Variants in DUS2 observed in about 807,000 individuals in gnomAD.
The protein encoded by DUS2 is dihydrouridine synthase 2, also known as tRNA-dihydrouridine(20) synthase [NAD(P)+]-like.
In DUS2, 52 loss-of-function variants were observed where a neutral mutation model predicts 71.3. The observed-to-expected ratio is 0.73, with a 90% CI of 0.58 to 0.92. The LOEUF (loss-of-function observed/expected upper bound fraction) is 0.92. DUS2 is among the 40% of genes least tolerant of loss of function. The pLI is 0.00. For missense variants in DUS2, 558 were observed against 622.6 expected (o/e 0.90, Z 1.10); for synonymous variants, 204 against 227.8 (o/e 0.90, Z 0.94).
chr16:68,070,336 G>T, intron 11 of DUS2, 116 bp downstream of exon 11: 1 of 917,862 alleles, frequency 1.1e-6, no homozygotes, highest in South Asian at 1.4e-5. Context: ...AAAAGGGCAG[G>T]GCTTTCCACA....
intron 8 of DUS2, among the ~76,000 whole-genome samples, chr16:68,063,790 C>T (rs1020323746): frequency 1.3e-4 from 20 of 152,104 alleles, no homozygotes; most frequent in Admixed American, 1.3e-3. Flanking sequence ...GTGGTGCGAT[C>T]TCAGCTCACT....
chr16:68,038,061 A>G lies in DUS2; in HGVS notation c.38A>G (p.Lys13Arg), dbSNP rs1202687600. ...LNSLSLCYHN[K>R]LILAPMVRVG... ...AGCCTCTCTCTGTGTTACCATAATA[A>G]GCTAATCCTGGCCCCAATGGTTCGG... Residue 13 changes from lysine (K) to arginine (R), a missense_variant, in exon 3 of 17, where the codon AAG becomes AGG. Lys to Arg is a conservative substitution (Grantham distance 26). Transcript: ENST00000565263. 6.2e-7 allele frequency: 1 copy of G among 1,613,962 alleles called. No individual in the cohort carries two copies.
chr16:68,077,126 C>T (rs1019485528), intron 15 of DUS2, among the ~76,000 whole-genome samples: 2 of 151,656 alleles, frequency 1.3e-5, no homozygotes, highest in African/African-American at 2.4e-5. Flanking sequence ...TGGTGGTGGG[C>T]GCCTGTAATC....
Position 68,073,146 on chromosome 16 carries a change from G to A in DUS2, c.811-888G>A, listed in dbSNP as rs61263343. On this transcript the variant is annotated intron_variant, in intron 12 of 16. Coordinates refer to ENST00000565263, the MANE Select transcript of DUS2 (RefSeq NM_017803.5). Reference sequence around the variant, plus strand: ...AAGCAGGAAGGGGCTCCCGCACTTCGAGACCTCAGTCAGGCTGTCCAGGAG... The same window carrying A: ...AAGCAGGAAGGGGCTCCCGCACTTCAAGACCTCAGTCAGGCTGTCCAGGAG... 6.2e-3 allele frequency among the ~76,000 whole-genome samples: 943 copies of A among 152,326 alleles called. 10 individuals carry two copies. The highest frequency in any genetic ancestry group is 0.022 in the African/African-American group (899 of 41,570).
At chr16:68,073,301 CTCAG>C in intron 12 of DUS2, among the ~76,000 whole-genome samples, 1 of 152,236 alleles carries the variant, frequency 6.6e-6, no homozygotes, top group Non-Finnish European at 1.5e-5. Context: ...TAGATAGGGT[CTCAG>C]TCTGTTGCCC....
intron 7 of DUS2, among the ~76,000 whole-genome samples, chr16:68,058,372 C>A (rs1037964101): frequency 3.3e-5 from 5 of 151,754 alleles, no homozygotes; most frequent in African/African-American, 1.2e-4. Context: ...CTACAGGTGC[C>A]CGCCACCACA....
chr16:68,036,583 G>T (rs962100936), intron 2 of DUS2, among the ~76,000 whole-genome samples: 11 of 152,060 alleles, frequency 7.2e-5, no homozygotes, highest in African/African-American at 2.7e-4. Flanking sequence ...GATTACAAGC[G>T]CGAGCCACAG....
rs1368620976 is a variant in DUS2 at position 68,062,053 on chromosome 16, C to G, written c.417+940C>G. On this transcript the variant is annotated intron_variant, in intron 8 of 16. Transcript: ENST00000565263. ...TGAGACAGAGTCTTGCTCTGTCACC[C>G]AGGCTGGAGTGCAGTGGCACAATCT... 1.3e-5 allele frequency among the ~76,000 whole-genome samples: 2 copies of G among 152,118 alleles called. 1 individual carries two copies. Among genetic ancestry groups the G allele is most frequent in the South Asian group, 4.1e-4 (2 of 4,832 alleles).
intron 2 of DUS2, among the ~76,000 whole-genome samples, chr16:68,035,929 T>TATATATATATATATATAC (rs1416625748): frequency 1.8e-5 from 2 of 108,564 alleles, no homozygotes; most frequent in African/African-American, 7.8e-5. Context: ...TATATATATA[T>TATATATATATATATATAC]ACACACATAC....
intron 6 of DUS2, among the ~76,000 whole-genome samples, chr16:68,055,959 C>A: frequency 6.6e-6 from 1 of 152,010 alleles, no homozygotes; most frequent in East Asian, 1.9e-4. Context: ...CCAACAAAGG[C>A]AGTGCTAGAA....
Position 68,071,088 on chromosome 16 carries a change from A to G in DUS2, c.790A>G (p.Met264Val), listed in dbSNP as rs1468180020. 6.2e-7 allele frequency: 1 copy of G among 1,614,240 alleles called. No individual in the cohort carries two copies. The highest frequency in any genetic ancestry group is 1.1e-5 in the South Asian group (1 of 91,084). ...GGGTCTGCGGCCCCTGGAGGAGGTC[A>G]TGCAGAAATACATCAGATACGTACG... ...KEGLRPLEEV[M>V]QKYIRYAVQY... Residue 264 changes from methionine (M) to valine (V), a missense_variant, in exon 12 of 17, where the codon ATG becomes GTG. Transcript: ENST00000565263.
intron 4 of DUS2, among the ~76,000 whole-genome samples, chr16:68,053,224 G>A (rs1306878623): frequency 2.0e-5 from 3 of 152,266 alleles, no homozygotes; most frequent in Non-Finnish European, 2.9e-5. Flanking sequence ...GCCTCCCAAG[G>A]TGCTGGGATT....
intron 4 of DUS2, among the ~76,000 whole-genome samples, chr16:68,053,303 C>T (rs955472428): frequency 2.6e-5 from 4 of 152,202 alleles, no homozygotes; most frequent in African/African-American, 9.6e-5. Flanking sequence ...AACCACCATT[C>T]AGAAAAAGTG....
chr16:68,062,678 C>T (rs1391961755), intron 8 of DUS2, among the ~76,000 whole-genome samples: 2 of 142,098 alleles, frequency 1.4e-5, no homozygotes, highest in Non-Finnish European at 3.0e-5. Context: ...GAGATCGTGC[C>T]ACTGCACTCC....
Position 68,053,597 on chromosome 16 carries a change from A to G in DUS2, c.206A>G (p.Asp69Gly). 5.0e-6 allele frequency: 8 copies of G among 1,614,180 alleles called. No individual in the cohort carries two copies. The highest frequency in any genetic ancestry group is 1.3e-5 in the African/African-American group (1 of 75,044). Residue 69 changes from aspartate to glycine, a missense_variant, in exon 5 of 17, where the codon GAT (aspartate) becomes GGT (glycine). Transcript: ENST00000565263. Reference protein sequence around the residue: ...VLSTVDFVAPDDRVVFRTCER... With the variant: ...VLSTVDFVAPGDRVVFRTCER... Reference sequence around the variant, plus strand: ...AGCACAGTGGACTTTGTCGCCCCTGATGATCGAGTTGTCTTCCGCACCTGT... The same window carrying G: ...AGCACAGTGGACTTTGTCGCCCCTGGTGATCGAGTTGTCTTCCGCACCTGT...
intron 10 of DUS2, 140 bp from the exon 11 acceptor site, chr16:68,069,994 C>A: frequency 1.4e-6 from 1 of 694,700 alleles, no homozygotes; most frequent in Admixed American, 2.1e-5. Flanking sequence ...TTCCTGCCAC[C>A]TGTCCTTGAT....
chr16:68,031,318 C>T (rs954784944), intron 2 of DUS2, among the ~76,000 whole-genome samples: 9 of 152,120 alleles, frequency 5.9e-5, no homozygotes, highest in Non-Finnish European at 1.3e-4. Flanking sequence ...GCATGCGCCG[C>T]CACACCCAGC....
chr16:68,050,142 ATCT>A (rs549368964), intron 4 of DUS2, among the ~76,000 whole-genome samples: 127 of 151,566 alleles, frequency 8.4e-4, no homozygotes, highest in Non-Finnish European at 1.6e-3. Flanking sequence ...TGCTTGTGAA[ATCT>A]TTTTTTTTTT....
At chr16:68,033,398 C>T (rs907081758) in intron 2 of DUS2, among the ~76,000 whole-genome samples, 1 of 152,046 alleles carries the variant, frequency 6.6e-6, no homozygotes, top group African/African-American at 2.4e-5. Context: ...GATTTTCTTT[C>T]TACATATTGG....
Sources: gnomAD v4.1 joint callset for allele counts (sites outside exome capture counted in the v4.1 genomes callset) on GRCh38, gnomAD v4.1.1 for gene constraint, MANE v1.5 for transcripts, NCBI Gene and HGNC (gene_info 2026-07-23, HGNC 2026-07-21) for gene names.